The following GEMIN6 variants were observed in gnomAD, a reference collection of about 807,000 sequenced individuals.
GEMIN6 encodes gem-associated protein 6.
Under a neutral mutation model 14.1 loss-of-function variants are expected in GEMIN6, and 13 were observed. That is an observed-to-expected ratio of 0.92 (90% CI 0.60 to 1.46). The LOEUF (loss-of-function observed/expected upper bound fraction) is 1.46. Among genes scored for constraint, GEMIN6 ranks in the 40% most tolerant of loss-of-function variants. GEMIN6 has a pLI of 0.00. For missense variants in GEMIN6, 271 were observed against 202.4 expected, an observed-to-expected ratio of 1.34 and a Z score of -2.06; for synonymous variants, 87 against 70.0, an observed-to-expected ratio of 1.24 and a Z score of -1.21.
At position 38,783,331 on chromosome 2, in the gene GEMIN6, G is replaced by C. The variant is rs1222000537; in HGVS notation, c.*1439G>C. ...GCCCCCTCAGTAGCTGGGATTACCA[G>C]GCACATAGCACCATGCCCAGCTAAT... On this transcript the variant is annotated 3_prime_UTR_variant, in exon 3 of 3. Transcript: ENST00000281950. 6.6e-6 allele frequency: 1 copy of C among 152,292 alleles called. No individual in the cohort carries two copies. The highest frequency in any genetic ancestry group is 1.5e-5 in the Non-Finnish European group (1 of 68,250). 9.4% of individuals were successfully genotyped at this position (152,292 alleles called of 1,614,324 possible).
At chr2:38,779,927 C>T (rs1669042379) in intron 2 of GEMIN6, among the ~76,000 whole-genome samples, 1 of 150,738 alleles carries the variant, frequency 6.6e-6, no homozygotes, top group Non-Finnish European at 1.5e-5. Flanking sequence ...AGGTGATCTG[C>T]CCACCTTGGC....
Position 38,781,529 on chromosome 2 carries a change from G to A in GEMIN6, c.141G>A (p.Val47=), listed in dbSNP as rs867673258. 6.2e-7 allele frequency: 1 copy of A among 1,611,104 alleles called. No individual in the cohort carries two copies. Among genetic ancestry groups the A allele is most frequent in the Non-Finnish European group, 8.5e-7 (1 of 1,178,586 alleles). ...TTTTCCTCCAAAGTATTGTCCTTGT[G>A]AACTTCCTTGAAGATGGCAGCATGT... ...TDPVSANIVL[V]NFLEDGSMSV... The change falls in exon 3 of 3, where the codon GTG becomes GTA. Residue 47 remains valine (V), a synonymous_variant. Transcript: ENST00000281950.
chr2:38,779,976 C>T (rs192085312), intron 2 of GEMIN6, among the ~76,000 whole-genome samples: 1 of 151,294 alleles, frequency 6.6e-6, no homozygotes, highest in Non-Finnish European at 1.5e-5. Context: ...AGCCACCGTC[C>T]CCAGCCTATA....
intron 1 of GEMIN6, among the ~76,000 whole-genome samples, chr2:38,778,515 A>G (rs982511951): frequency 6.6e-6 from 1 of 152,134 alleles, no homozygotes; most frequent in African/African-American, 2.4e-5. Context: ...GCGTGGGTGG[A>G]TATCAGGAGA....
At chr2:38,781,370 CT>C in intron 2 of GEMIN6, 146 bp from the exon 3 acceptor site, 1 of 846,274 alleles carries the variant, frequency 1.2e-6, no homozygotes, top group Non-Finnish European at 1.9e-6. Context: ...AAAAGTTTAC[CT>C]ATTTAGGATC....
At position 38,779,136 on chromosome 2, in the gene GEMIN6, T is replaced by G. The variant is rs1669017270; in HGVS notation, c.128+18T>G. 1 of 1,602,690 alleles carries G rather than the reference T, an allele frequency of 6.2e-7. No homozygotes were observed. Among genetic ancestry groups the G allele is most frequent in the East Asian group, 2.2e-5 (1 of 44,528 alleles). ...TCTGCCAAGTGAGTATGCATCCTAC[T>G]TGCCTGAAATCTTGACACCCCTTTG... On this transcript the variant is annotated intron_variant, in intron 2 of 2. Coordinates refer to ENST00000281950, the MANE Select transcript of GEMIN6 (RefSeq NM_024775.10).
At chr2:38,780,628 C>T (rs1014896824) in intron 2 of GEMIN6, among the ~76,000 whole-genome samples, 16 of 150,708 alleles carry the variant, frequency 1.1e-4, no homozygotes, top group African/African-American at 3.4e-4. Context: ...TGAGCCACCT[C>T]ACCTGACCTT....
chr2:38,781,819 G>A lies in GEMIN6; in HGVS notation c.431G>A (p.Cys144Tyr), dbSNP rs768636330. ...GACCCACCATATGGTCCAGAAAATT[G>A]CAGCAGCTCTAATGAGATTATTCTG... ...TIDPPYGPEN[C>Y]SSSNEIILSR... The change falls in exon 3 of 3, where the codon TGC (cysteine) becomes TAC (tyrosine). Residue 144 changes from cysteine (C) to tyrosine (Y), a missense_variant. Physicochemically the swap from Cys to Tyr is radical, Grantham distance 194. Coordinates refer to ENST00000281950, the MANE Select transcript of GEMIN6 (RefSeq NM_024775.10). The A allele has an allele frequency of 1.2e-6, 2 of 1,614,144 alleles. No individual in the cohort carries two copies. The highest frequency in any genetic ancestry group is 2.2e-5 in the South Asian group (2 of 91,082).
rs548768553 is a variant in GEMIN6 at position 38,779,082 on chromosome 2, A to G, written c.92A>G (p.Lys31Arg). Residue 31 changes from lysine (K) to arginine (R), a missense_variant, in exon 2 of 3, where the codon AAA becomes AGA. Transcript: ENST00000281950. The stretch of plus-strand genomic sequence containing the variant: ...ACAGCCAGTGAGAAGAATGAGTATA[A>G]AGGATGGGTTTTAACTACAGACCCA... Reference protein sequence around the residue: ...RVTASEKNEYKGWVLTTDPVS... With the variant: ...RVTASEKNEYRGWVLTTDPVS... 6.2e-7 allele frequency: 1 copy of G among 1,613,978 alleles called. No homozygotes were observed. The highest frequency in any genetic ancestry group is 1.1e-5 in the South Asian group (1 of 91,050).
Position 38,782,284 on chromosome 2 carries a change from C to CCG in GEMIN6, c.*392_*393insCG. On this transcript the variant is annotated 3_prime_UTR_variant, in exon 3 of 3. Transcript: ENST00000281950. ...TCAGCCTCTCGAGTAGCTGGGACTA[C>CCG]AGGTGCACGCCACCACTCCCAGCTA... 2 of 162,418 alleles carry CCG rather than the reference C, an allele frequency of 1.2e-5. No individual in the cohort carries two copies. The highest frequency in any genetic ancestry group is 2.7e-5 in the Non-Finnish European group (2 of 75,068). 10.1% of individuals were successfully genotyped at this position (162,418 alleles called of 1,614,324 possible).
At chr2:38,781,024 A>C (rs1270251711) in intron 2 of GEMIN6, among the ~76,000 whole-genome samples, 1 of 137,028 alleles carries the variant, frequency 7.3e-6, no homozygotes, top group Non-Finnish European at 1.5e-5. Context: ...GCTGGAGTGC[A>C]GTGGCATGAT....
intron 2 of GEMIN6, among the ~76,000 whole-genome samples, chr2:38,779,975 C>T (rs908008844): frequency 4.6e-5 from 7 of 151,000 alleles, no homozygotes; most frequent in Admixed American, 1.3e-4. Flanking sequence ...GAGCCACCGT[C>T]CCCAGCCTAT....
Position 38,781,774 on chromosome 2 carries a change from T to A in GEMIN6, c.386T>A (p.Val129Glu). Reference sequence around the variant, plus strand: ...GGAGACGCTCCAAGGACTCTCTGTGTGGCTGGGGTCCTGACTATAGACCCA... The same window carrying A: ...GGAGACGCTCCAAGGACTCTCTGTGAGGCTGGGGTCCTGACTATAGACCCA... ...EQGDAPRTLC[V>E]AGVLTIDPPY... Residue 129 changes from valine to glutamate, a missense_variant, in exon 3 of 3, where the codon GTG becomes GAG. Transcript: ENST00000281950. The A allele has an allele frequency of 1.9e-6, 3 of 1,614,194 alleles. No individual in the cohort carries two copies. The East Asian group carries it at 6.7e-5, about 36-fold the overall frequency.
chr2:38,780,977 C>CTT (rs869246263), intron 2 of GEMIN6, among the ~76,000 whole-genome samples: 2 of 42,286 alleles, frequency 4.7e-5, no homozygotes, highest in Admixed American at 2.7e-4. Flanking sequence ...CTGCCTTCTT[C>CTT]TTTTTTTTTT....
intron 2 of GEMIN6, among the ~76,000 whole-genome samples, chr2:38,780,263 T>A (rs1363746675): frequency 6.7e-6 from 1 of 149,644 alleles, no homozygotes; most frequent in Non-Finnish European, 1.5e-5. Context: ...GAGCTTGCCG[T>A]GAGCTGAGAT....
chr2:38,780,955 G>C (rs536546025), intron 2 of GEMIN6, among the ~76,000 whole-genome samples: 1 of 140,516 alleles, frequency 7.1e-6, no homozygotes, highest in African/African-American at 2.6e-5. Flanking sequence ...AACTCTAAAA[G>C]TTAAGTCTAC....
rs200834111 is a variant in GEMIN6, at chr2:38,781,754, C to T, written c.366C>T (p.Asp122=). ...ACATCCCCATCACTGAACAGGGAGA[C>T]GCTCCAAGGACTCTCTGTGTGGCTG... ...KNHIPITEQG[D]APRTLCVAGV... The change falls in exon 3 of 3, where the codon GAC becomes GAT. Residue 122 remains aspartate, a synonymous_variant. Transcript: ENST00000281950. 4.5e-5 allele frequency: 72 copies of T among 1,614,132 alleles called. No homozygotes were observed. In the Middle Eastern group the frequency reaches 4.9e-4, roughly 11 times the overall value.
At chr2:38,778,605 A>G (rs1292938838) in intron 1 of GEMIN6, among the ~76,000 whole-genome samples, 1 of 152,172 alleles carries the variant, frequency 6.6e-6, no homozygotes. Context: ...TTTGAGCATC[A>G]TCTGCAGGCC....
chr2:38,779,305 T>A, intron 2 of GEMIN6, 187 bp downstream of exon 2: 1 of 605,818 alleles, frequency 1.7e-6, no homozygotes, highest in Non-Finnish European at 2.9e-6. Flanking sequence ...ATCTCGGCTC[T>A]TTGTAACCTC....
Sources: gnomAD v4.1 joint callset for allele counts (sites outside exome capture counted in the v4.1 genomes callset) on GRCh38, gnomAD v4.1.1 for gene constraint, MANE v1.5 for transcripts, NCBI Gene and HGNC (gene_info 2026-07-23, HGNC 2026-07-21) for gene names.